PTPN2: variants seen among roughly 807,000 people sequenced by gnomAD.
PTPN2 encodes tyrosine-protein phosphatase non-receptor type 2.
A neutral mutation model predicts 57.3 loss-of-function variants in PTPN2; 19 were observed. The observed-to-expected ratio is 0.33, with a 90% CI of 0.23 to 0.49. PTPN2 has a LOEUF of 0.49. Ranked by LOEUF, PTPN2 falls within the 20% of genes least tolerant of loss-of-function variation. PTPN2 has a pLI of 0.99. For synonymous variants in PTPN2, 153 were observed against 164.9 expected (o/e 0.93, Z 0.55); for missense variants, 358 against 501.1 (o/e 0.71, Z 2.73).
rs542635471 is a variant in PTPN2 at position 12,874,635 on chromosome 18, G to A, written c.69+9438C>T. On this transcript the variant is annotated intron_variant, in intron 1 of 8. Coordinates refer to ENST00000309660, the MANE Select transcript of PTPN2 (RefSeq NM_002828.4). Reference sequence around the variant, plus strand: ...AGCCGCCCCGTCCGGGAGGGAGGTGGGGGGGTCAGCCCCCCGCCCGGCCAG... The same window carrying A: ...AGCCGCCCCGTCCGGGAGGGAGGTGAGGGGGTCAGCCCCCCGCCCGGCCAG... Among the ~76,000 whole-genome samples the A allele has an allele frequency of 7.4e-3, 1,056 of 141,888 alleles. 24 individuals carry two copies. Among genetic ancestry groups the A allele is most frequent in the African/African-American group, 0.027 (1,016 of 37,392 alleles). 93.1% of individuals were successfully genotyped at this position (141,888 alleles called of 152,430 possible). A position where few individuals can be genotyped will look rare whatever the true frequency, so the allele number is the denominator to read the frequency against.
chr18:12,864,903 T>C (rs2043940896), intron 1 of PTPN2, among the ~76,000 whole-genome samples: 1 of 152,220 alleles, frequency 6.6e-6, no homozygotes, highest in South Asian at 2.1e-4. Flanking sequence ...AGATTTTTTA[T>C]ATTCATCTAG....
At chr18:12,795,389 G>A (rs2145223433) in intron 8 of PTPN2, among the ~76,000 whole-genome samples, 1 of 152,278 alleles carries the variant, frequency 6.6e-6, no homozygotes. Context: ...CGCCTTCCGG[G>A]TTCAAGCAAT....
At chr18:12,808,374 G>A (rs2041766171) in intron 7 of PTPN2, among the ~76,000 whole-genome samples, 1 of 152,026 alleles carries the variant, frequency 6.6e-6, no homozygotes, top group Non-Finnish European at 1.5e-5. Flanking sequence ...TCACCACAAA[G>A]AAAAGATAAA....
At chr18:12,856,398 G>C (rs2043590444) in intron 2 of PTPN2, among the ~76,000 whole-genome samples, 2 of 152,168 alleles carry the variant, frequency 1.3e-5, no homozygotes, top group African/African-American at 4.8e-5. Flanking sequence ...TACTAGGGAG[G>C]CATGTGTGGG....
intron 7 of PTPN2, among the ~76,000 whole-genome samples, chr18:12,809,337 G>A (rs2041812145): frequency 6.6e-6 from 1 of 152,210 alleles, no homozygotes; most frequent in African/African-American, 2.4e-5. Context: ...CATTCCTAGG[G>A]ACAAAGGTAG....
chr18:12,818,512 C>T (rs75080096), intron 5 of PTPN2, among the ~76,000 whole-genome samples: 14,809 of 152,214 alleles, frequency 0.097, 985 homozygotes, highest in Non-Finnish European at 0.15. Flanking sequence ...GTATTTCTAA[C>T]TCATTATGAA....
At chr18:12,788,794 G>A (rs2040909341), downstream of PTPN2, among the ~76,000 whole-genome samples, 3 of 152,086 alleles carry the variant, frequency 2.0e-5, no homozygotes, top group South Asian at 6.2e-4. Context: ...CCAGTAGACA[G>A]GGGAGACAGC....
intron 5 of PTPN2, among the ~76,000 whole-genome samples, chr18:12,823,581 A>G (rs1400778584): frequency 1.3e-5 from 2 of 152,140 alleles, no homozygotes; most frequent in Admixed American, 6.6e-5. Context: ...AGGCTAGGAC[A>G]GGAGAATCAC....
intron 1 of PTPN2, among the ~76,000 whole-genome samples, chr18:12,873,490 G>C (rs1383647724): frequency 6.6e-6 from 1 of 152,252 alleles, no homozygotes; most frequent in Non-Finnish European, 1.5e-5. Context: ...GGGTTTCGCT[G>C]TGTTGGCCGG....
chr18:12,814,104 A>T (rs2041984626), intron 7 of PTPN2, 99 bp downstream of exon 7: 1 of 989,738 alleles, frequency 1.0e-6, no homozygotes, highest in Non-Finnish European at 1.5e-6. Context: ...ATTCAAATAC[A>T]CTCTTTGAAA....
chr18:12,822,691 A>AG (rs2042312004), intron 5 of PTPN2, among the ~76,000 whole-genome samples: 1 of 152,206 alleles, frequency 6.6e-6, no homozygotes, highest in African/African-American at 2.4e-5. Flanking sequence ...CAATAAAGAC[A>AG]GAGATCTGCG....
chr18:12,870,458 TATATAGAGAGAGAGAG>T (rs2044219705), intron 1 of PTPN2, among the ~76,000 whole-genome samples: 1 of 30,274 alleles, frequency 3.3e-5, no homozygotes, highest in African/African-American at 2.1e-4. Context: ...TATATATATA[TATATAGAGAGAGAGAG>T]AGAGAGAGAG....
intron 2 of PTPN2, among the ~76,000 whole-genome samples, chr18:12,845,296 TAA>T (rs905540249): frequency 2.0e-5 from 3 of 152,208 alleles, no homozygotes; most frequent in African/African-American, 7.2e-5. Flanking sequence ...TTCACTATGC[TAA>T]GTCTTCCAAT....
chr18:12,815,694 C>A, intron 6 of PTPN2, among the ~76,000 whole-genome samples: 1 of 152,122 alleles, frequency 6.6e-6, no homozygotes, highest in East Asian at 1.9e-4. Context: ...ACTATATATA[C>A]GCAGAGTGGT....
At chr18:12,867,577 G>A (rs1362241672) in intron 1 of PTPN2, among the ~76,000 whole-genome samples, 4 of 152,002 alleles carry the variant, frequency 2.6e-5, no homozygotes, top group African/African-American at 9.7e-5. Flanking sequence ...AGTCTTCATC[G>A]GAACTGGGTT....
chr18:12,789,580 C>T (rs1040228190), downstream of PTPN2, among the ~76,000 whole-genome samples: 1 of 152,196 alleles, frequency 6.6e-6, no homozygotes, highest in African/African-American at 2.4e-5. Context: ...CCAGCACAGC[C>T]AGGCGAGGGA....
intron 2 of PTPN2, among the ~76,000 whole-genome samples, chr18:12,842,948 A>G (rs1280276096): frequency 1.3e-5 from 2 of 152,256 alleles, no homozygotes; most frequent in African/African-American, 4.8e-5. Context: ...ATAAGCAGGA[A>G]ATGAAATGAC....
chr18:12,879,632 ACCT>A (rs1310129576), intron 1 of PTPN2, among the ~76,000 whole-genome samples: 6 of 152,150 alleles, frequency 3.9e-5, no homozygotes, highest in Non-Finnish European at 7.4e-5. Flanking sequence ...TTTCTAAGAA[ACCT>A]CCTATTATCA....
Position 12,884,166 on chromosome 18 carries a change from G to A in PTPN2, c.-25C>T, listed in dbSNP as rs754450055. ...TGGCTGCGGGAGCGAGCTGGCGCGAGCAGAGCCTGCGCCGGCGGAGAGGCT... is the reference window on the plus strand; with the variant it reads ...TGGCTGCGGGAGCGAGCTGGCGCGAACAGAGCCTGCGCCGGCGGAGAGGCT... On this transcript the variant is annotated 5_prime_UTR_variant, in exon 1 of 9. Coordinates refer to ENST00000309660, the MANE Select transcript of PTPN2 (RefSeq NM_002828.4). 1.3e-6 allele frequency: 2 copies of A among 1,562,316 alleles called. No homozygotes were observed. The highest frequency in any genetic ancestry group is 3.8e-5 in the Admixed American group (2 of 53,286).
Sources: allele counts gnomAD v4.1 joint callset (sites outside exome capture counted in the v4.1 genomes callset), GRCh38; gene constraint gnomAD v4.1.1; transcripts MANE v1.5; gene names NCBI Gene and HGNC (gene_info 2026-07-23, HGNC 2026-07-21).